Variants in FCHSD2 observed in about 807,000 individuals in gnomAD.
FCHSD2 encodes the protein FCH and double SH3 domains 2.
A neutral mutation model predicts 108.1 loss-of-function variants in FCHSD2; 38 were observed. The observed-to-expected ratio is 0.35, with a 90% CI of 0.27 to 0.46. FCHSD2 has a LOEUF of 0.46. Ranked by LOEUF, FCHSD2 falls within the 20% of genes least tolerant of loss-of-function variation. The pLI is 1.00. For missense variants in FCHSD2, 751 were observed against 897.8 expected, an observed-to-expected ratio of 0.84 and a Z score of 2.09; for synonymous variants, 279 against 314.7, an observed-to-expected ratio of 0.89 and a Z score of 1.20.
At chr11:72,932,961 C>T (rs1379219626) in intron 8 of FCHSD2, among the ~76,000 whole-genome samples, 6 of 152,128 alleles carry the variant, frequency 3.9e-5, no homozygotes, top group Admixed American at 1.3e-4. Context: ...TTTATAAAAT[C>T]GTATACAAGT....
intron 3 of FCHSD2, among the ~76,000 whole-genome samples, chr11:73,025,362 C>T (rs926763910): frequency 6.6e-6 from 1 of 152,124 alleles, no homozygotes; most frequent in African/African-American, 2.4e-5. Flanking sequence ...AGCTGGAGGC[C>T]ATTATCCTTT....
intron 3 of FCHSD2, among the ~76,000 whole-genome samples, chr11:73,080,736 C>T (rs1859664622): frequency 6.6e-6 from 1 of 151,924 alleles, no homozygotes; most frequent in Admixed American, 6.6e-5. Context: ...CTGAGGTCAG[C>T]AGTTCAAAAC....
chr11:72,965,359 G>A lies in FCHSD2; in HGVS notation c.705+18729C>T, dbSNP rs538884743. 7.2e-5 allele frequency among the ~76,000 whole-genome samples: 11 copies of A among 152,204 alleles called. No homozygotes were observed. In the South Asian group the frequency reaches 1.9e-3, roughly 26 times the overall value. ...TCAATTCTATGAATTTTTACTGAGC[G>A]CTCTTCTATGCACTAAAACACAGTA... On this transcript the variant is annotated intron_variant, in intron 8 of 19. Coordinates refer to ENST00000409418, the MANE Select transcript of FCHSD2 (RefSeq NM_014824.3).
chr11:72,907,360 C>T (rs1161095713), intron 9 of FCHSD2, among the ~76,000 whole-genome samples: 3 of 152,286 alleles, frequency 2.0e-5, no homozygotes, highest in African/African-American at 7.2e-5. Flanking sequence ...GCCAGAACTT[C>T]CAATACTATG....
At chr11:72,888,523 G>A (rs1855245196) in intron 11 of FCHSD2, among the ~76,000 whole-genome samples, 1 of 152,062 alleles carries the variant, frequency 6.6e-6, no homozygotes, top group Admixed American at 6.5e-5. Flanking sequence ...GACGGATATA[G>A]GTATCAATAA....
chr11:73,064,408 C>G (rs1452174282), intron 3 of FCHSD2, among the ~76,000 whole-genome samples: 1 of 151,846 alleles, frequency 6.6e-6, no homozygotes. Flanking sequence ...AATTCAAAAT[C>G]TAGCAGAAGA....
chr11:73,068,813 TAAAAAAAAAA>T (rs1237723120), intron 3 of FCHSD2, among the ~76,000 whole-genome samples: 1 of 83,048 alleles, frequency 1.2e-5, no homozygotes, highest in Non-Finnish European at 2.2e-5. Context: ...CTACAAAAAG[TAAAAAAAAAA>T]AAAAAAAAAG....
At position 72,980,675 on chromosome 11, in the gene FCHSD2, GTATATA is replaced by G. The variant is rs35298009; in HGVS notation, c.705+3407_705+3412del. Among the ~76,000 whole-genome samples, 104 of 144,026 alleles carry G rather than the reference GTATATA, an allele frequency of 7.2e-4. 1 individual carries two copies. The highest frequency in any genetic ancestry group is 1.9e-3 in the African/African-American group (71 of 38,296). The allele number at this position is 144,026 out of a possible 152,430, so 94.5% of individuals were successfully genotyped here. A position where few individuals can be genotyped will look rare whatever the true frequency, so the allele number is the denominator to read the frequency against. On this transcript the variant is annotated intron_variant, in intron 8 of 19. Transcript: ENST00000409418. ...TATATGTATGTGTATGTGTGTGTGT[GTATATA>G]TATATATATATATATAATGTATGTA...
chr11:73,000,753 T>C (rs1857610458), intron 5 of FCHSD2, among the ~76,000 whole-genome samples: 1 of 152,220 alleles, frequency 6.6e-6, no homozygotes, highest in Admixed American at 6.5e-5. Context: ...GCGGTATTAC[T>C]AAAAAGTATT....
intron 2 of FCHSD2, among the ~76,000 whole-genome samples, chr11:73,118,250 CAG>C (rs1860650592): frequency 1.3e-5 from 2 of 152,138 alleles, no homozygotes; most frequent in South Asian, 4.1e-4. Context: ...ACTCAGCAGG[CAG>C]AGACTGCGGT....
chr11:72,924,346 C>T (rs1475858711), intron 8 of FCHSD2, among the ~76,000 whole-genome samples: 1 of 151,926 alleles, frequency 6.6e-6, no homozygotes, highest in Non-Finnish European at 1.5e-5. Context: ...GGCATGATCT[C>T]GGCTCACTGC....
chr11:73,134,340 C>T (rs1024286558), intron 2 of FCHSD2, among the ~76,000 whole-genome samples: 1 of 151,918 alleles, frequency 6.6e-6, no homozygotes, highest in Admixed American at 6.6e-5. Flanking sequence ...CATGGTGGTG[C>T]ATGCCTGTGG....
chr11:72,914,088 C>T (rs1057322308), intron 9 of FCHSD2, among the ~76,000 whole-genome samples: 6 of 152,104 alleles, frequency 3.9e-5, no homozygotes, highest in Admixed American at 6.6e-5. Flanking sequence ...AATCTCAGCT[C>T]GCTGCAAACT....
At chr11:72,923,568 G>C (rs1856015447) in intron 8 of FCHSD2, among the ~76,000 whole-genome samples, 1 of 152,038 alleles carries the variant, frequency 6.6e-6, no homozygotes, top group Admixed American at 6.6e-5. Context: ...ACTATGTTGA[G>C]CAACTTTTCA....
intron 13 of FCHSD2, among the ~76,000 whole-genome samples, chr11:72,853,258 T>C (rs1861340296): frequency 6.6e-6 from 1 of 152,204 alleles, no homozygotes; most frequent in Admixed American, 6.5e-5. Flanking sequence ...GGACAGTTTT[T>C]CAACAAATGT....
rs541960262 is a variant in FCHSD2 at position 73,060,388 on chromosome 11, T to C, written c.165+23307A>G. On this transcript the variant is annotated intron_variant, in intron 3 of 19. Transcript: ENST00000409418. ...TTTATCTGAAGACATTTTGTATAAT[T>C]TCATTTCAAACATTCTAATACCAGG... Among the ~76,000 whole-genome samples, 120 of 152,210 alleles carry C rather than the reference T, an allele frequency of 7.9e-4. 2 individuals carry two copies. The highest frequency in any genetic ancestry group is 1.1e-3 in the Non-Finnish European group (73 of 68,034).
chr11:72,852,042 A>G (rs986854016), intron 13 of FCHSD2, among the ~76,000 whole-genome samples: 1 of 151,800 alleles, frequency 6.6e-6, no homozygotes, highest in Non-Finnish European at 1.5e-5. Flanking sequence ...ACACCTGGCT[A>G]ATTTTTGTTT....
rs190357383 is a variant in FCHSD2, at chr11:72,845,086, G to C, written c.1444-1554C>G. Reference sequence around the variant, plus strand: ...CGTTAATGTATGTGACAGCAAACCAGGGAGGTAGTACACTTTTAAATAAAC... The same window carrying C: ...CGTTAATGTATGTGACAGCAAACCACGGAGGTAGTACACTTTTAAATAAAC... On this transcript the variant is annotated intron_variant, in intron 14 of 19. Transcript: ENST00000409418. Among the ~76,000 whole-genome samples the C allele has an allele frequency of 4.0e-4, 61 of 152,252 alleles. No homozygotes were observed. The Middle Eastern group carries it at 0.014, about 34-fold the overall frequency.
intron 8 of FCHSD2, among the ~76,000 whole-genome samples, chr11:72,954,754 C>T (rs1004584652): frequency 1.3e-5 from 2 of 151,584 alleles, no homozygotes; most frequent in Non-Finnish European, 2.9e-5. Flanking sequence ...ATGATGAAAG[C>T]CAGATTTATC....
Sources: gnomAD v4.1 joint callset for allele counts (sites outside exome capture counted in the v4.1 genomes callset) on GRCh38, gnomAD v4.1.1 for gene constraint, MANE v1.5 for transcripts, NCBI Gene and HGNC (gene_info 2026-07-23, HGNC 2026-07-21) for gene names.